BCL2L13: variants seen among roughly 807,000 people sequenced by gnomAD.
BCL2L13 encodes the protein BCL2 like 13, also known as bcl-2-like protein 13.
BCL2L13 carries 13 observed loss-of-function variants against 25.8 expected under a neutral mutation model. The ratio of observed to expected loss-of-function variants is 0.50; its 90% CI spans 0.33 to 0.80. The LOEUF is 0.80. BCL2L13 is among the 30% of genes least tolerant of loss of function. The pLI, the probability that BCL2L13 is intolerant of heterozygous loss-of-function variation, is 0.02. For synonymous variants in BCL2L13, 244 were observed against 230.3 expected (o/e 1.06, Z -0.54); for missense variants, 504 against 574.9 (o/e 0.88, Z 1.26).
chr22:17,696,327 A>G, intron 5 of BCL2L13, 117 bp downstream of exon 5: 1 of 865,292 alleles, frequency 1.2e-6, no homozygotes, highest in Non-Finnish European at 1.9e-6. Flanking sequence ...TAATGCACAA[A>G]TCTATGTTAA....
At chr22:17,635,034 A>G (rs2146350291), upstream of BCL2L13, among the ~76,000 whole-genome samples, 1 of 152,050 alleles carries the variant, frequency 6.6e-6, no homozygotes, top group Admixed American at 6.6e-5. Context: ...TTTAGAGTCG[A>G]TAACCACATT....
At chr22:17,713,837 G>A (rs2060832329) in intron 6 of BCL2L13, among the ~76,000 whole-genome samples, 1 of 151,698 alleles carries the variant, frequency 6.6e-6, no homozygotes, top group African/African-American at 2.4e-5. Flanking sequence ...GTTGGGGACT[G>A]TCTATACAAA....
chr22:17,642,123 T>TTC, intron 1 of BCL2L13, among the ~76,000 whole-genome samples: 1 of 134,614 alleles, frequency 7.4e-6, no homozygotes. Context: ...TGTGTCTGGC[T>TTC]TCTCTCTTTT....
intron 3 of BCL2L13, among the ~76,000 whole-genome samples, chr22:17,687,014 A>C (rs2059961646): frequency 6.6e-6 from 1 of 152,154 alleles, no homozygotes; most frequent in African/African-American, 2.4e-5. Context: ...TTGCTCAAAC[A>C]ACAAAGTATT....
At chr22:17,654,551 T>C (rs1246131636) in intron 1 of BCL2L13, among the ~76,000 whole-genome samples, 1 of 151,834 alleles carries the variant, frequency 6.6e-6, no homozygotes, top group Non-Finnish European at 1.5e-5. Context: ...GCCTCCCGAG[T>C]AGCTGGGACT....
intron 2 of BCL2L13, 60 bp from the exon 3 acceptor site, chr22:17,683,154 A>G: frequency 3.3e-6 from 3 of 909,726 alleles, no homozygotes; most frequent in South Asian, 3.0e-5. Flanking sequence ...AAAAAGTGCT[A>G]TTATATTCTA....
At chr22:17,629,695 T>C (rs2057963977) in intron 1 of BCL2L13, among the ~76,000 whole-genome samples, 1 of 152,122 alleles carries the variant, frequency 6.6e-6, no homozygotes, top group Admixed American at 6.6e-5. Context: ...CCATTTTTAT[T>C]AGCTTTTTAT....
intron 1 of BCL2L13, among the ~76,000 whole-genome samples, chr22:17,640,038 G>C (rs5747303): frequency 5.3e-5 from 8 of 152,098 alleles, no homozygotes; most frequent in African/African-American, 1.9e-4. Context: ...ATTTTTAGTA[G>C]AGACGGGGTT....
At chr22:17,709,884 G>A (rs1220825666) in intron 6 of BCL2L13, among the ~76,000 whole-genome samples, 3 of 151,388 alleles carry the variant, frequency 2.0e-5, no homozygotes, top group Non-Finnish European at 4.4e-5. Flanking sequence ...AGACCAGCCT[G>A]GGCAACATGG....
chr22:17,701,268 A>C lies in BCL2L13; in HGVS notation c.457-975A>C, dbSNP rs181786955. Among the ~76,000 whole-genome samples, 38 of 152,326 alleles carry C rather than the reference A, an allele frequency of 2.5e-4. No individual in the cohort carries two copies. The East Asian group carries it at 7.1e-3, about 29-fold the overall frequency. ...TAGTTTTTAAAAGTTCTTATTTTCA[A>C]ATAATAAAAGCACATGGTACAAAAT... On this transcript the variant is annotated intron_variant, in intron 5 of 6. Coordinates refer to ENST00000317582, the MANE Select transcript of BCL2L13 (RefSeq NM_015367.4).
Position 17,683,295 on chromosome 22 carries a change from A to C in BCL2L13, c.203A>C (p.Lys68Thr). The change falls in exon 3 of 7, where the codon AAA (lysine) becomes ACA (threonine). Residue 68 changes from lysine (K) to threonine (T), a missense_variant. Physicochemically the swap from Lys to Thr is moderately conservative, Grantham distance 78. Coordinates refer to ENST00000317582, the MANE Select transcript of BCL2L13 (RefSeq NM_015367.4). The part of the protein sequence containing the change: ...KVKTEIEEEL[K>T]SLDKEISEAF... ...AAAACTGAAATTGAAGAAGAGCTAA[A>C]ATCTCTGGACAAAGAAATTTCTGAA... The C allele has an allele frequency of 6.3e-7, 1 of 1,580,820 alleles. No individual in the cohort carries two copies.
At chr22:17,725,130 G>A (rs562265418) in intron 6 of BCL2L13, among the ~76,000 whole-genome samples, 1 of 152,340 alleles carries the variant, frequency 6.6e-6, no homozygotes, top group African/African-American at 2.4e-5. Flanking sequence ...AGAAGCAAGA[G>A]TCTCCGTGTC....
intron 2 of BCL2L13, among the ~76,000 whole-genome samples, chr22:17,661,611 A>G (rs1453814121): frequency 6.8e-6 from 1 of 146,108 alleles, no homozygotes. Flanking sequence ...TGCCATTAGT[A>G]CAAGTAAAAA....
In BCL2L13 at chr22:17,638,862, C is replaced by G. The variant is rs2058162135; in HGVS notation, c.-75C>G. On this transcript the variant is annotated 5_prime_UTR_variant, in exon 1 of 7. Coordinates refer to ENST00000317582, the MANE Select transcript of BCL2L13 (RefSeq NM_015367.4). ...ACTGCCGCCGCCGCCTCTTTCATCT[C>G]TTCTGGGGCAGGGGCCAGGGCCAGG... 3 of 1,232,514 alleles carry G rather than the reference C, an allele frequency of 2.4e-6. No homozygotes were observed. The East Asian group carries it at 9.5e-5, about 39-fold the overall frequency. The allele number at this position is 1,232,514 out of a possible 1,614,324, so 76.3% of individuals were successfully genotyped here.
chr22:17,656,251 A>T (rs73376779), intron 2 of BCL2L13, among the ~76,000 whole-genome samples: 7,666 of 150,094 alleles, frequency 0.051, 335 homozygotes, highest in African/African-American at 0.12. Flanking sequence ...AAAAAAAAAA[A>T]ATATACACAA....
chr22:17,644,806 C>CT (rs771290371), intron 1 of BCL2L13, among the ~76,000 whole-genome samples: 1,577 of 133,328 alleles, frequency 0.012, 57 homozygotes, highest in African/African-American at 0.03. Flanking sequence ...CTAGGAATTT[C>CT]TTTTTTTTTT....
chr22:17,716,789 G>A (rs764627646), intron 6 of BCL2L13, among the ~76,000 whole-genome samples: 3 of 152,106 alleles, frequency 2.0e-5, no homozygotes, highest in Non-Finnish European at 4.4e-5. Context: ...TGTAATGGCC[G>A]GATGGTACCT....
intron 6 of BCL2L13, among the ~76,000 whole-genome samples, chr22:17,724,003 T>A (rs924370014): frequency 2.0e-5 from 3 of 152,044 alleles, no homozygotes; most frequent in African/African-American, 7.2e-5. Context: ...CCAGGTGTGG[T>A]GGCTCACACC....
intron 4 of BCL2L13, 181 bp from the exon 5 acceptor site, chr22:17,695,960 A>G: frequency 3.8e-6 from 2 of 525,088 alleles, no homozygotes; most frequent in Non-Finnish European, 6.9e-6. Context: ...ATCACAGCTT[A>G]TAGAATGCTT....
Sources: allele counts gnomAD v4.1 joint callset (sites outside exome capture counted in the v4.1 genomes callset), GRCh38; gene constraint gnomAD v4.1.1; transcripts MANE v1.5; gene names NCBI Gene and HGNC (gene_info 2026-07-23, HGNC 2026-07-21).